Variants in GALNTL6 observed in about 807,000 individuals in gnomAD.
GALNTL6 encodes polypeptide N-acetylgalactosaminyltransferase-like 6.
In GALNTL6, 46 loss-of-function variants were observed where a neutral mutation model predicts 73.7. That is an observed-to-expected ratio of 0.62 (90% CI 0.49 to 0.80). GALNTL6 has a LOEUF of 0.80. Among genes scored for constraint, GALNTL6 ranks in the 30% least tolerant of loss-of-function variants. GALNTL6 has a pLI of 0.00. For missense variants in GALNTL6, 604 were observed against 755.0 expected, an observed-to-expected ratio of 0.80 and a Z score of 2.34; for synonymous variants, 259 against 263.7, an observed-to-expected ratio of 0.98 and a Z score of 0.17.
chr4:172,698,323 CT>C (rs1234688085), intron 5 of GALNTL6, among the ~76,000 whole-genome samples: 3 of 152,148 alleles, frequency 2.0e-5, no homozygotes, highest in African/African-American at 7.2e-5. Flanking sequence ...TAGAGACTTA[CT>C]GCTTACAGTC....
At chr4:171,883,471 A>G (rs1455234517) in intron 2 of GALNTL6, among the ~76,000 whole-genome samples, 1 of 152,004 alleles carries the variant, frequency 6.6e-6, no homozygotes, top group Non-Finnish European at 1.5e-5. Context: ...TGCTTCATTT[A>G]TTTGTGCGAT....
intron 6 of GALNTL6, among the ~76,000 whole-genome samples, chr4:172,812,546 T>C (rs10003796): frequency 0.25 from 38,000 of 151,870 alleles, 5,659 homozygotes; most frequent in African/African-American, 0.42. Flanking sequence ...CCAGTGCCCT[T>C]TGCCAGCTGT....
Position 172,834,876 on chromosome 4 carries a change from G to A in GALNTL6, c.923+21153G>A, listed in dbSNP as rs550835566. On this transcript the variant is annotated intron_variant, in intron 7 of 12. Coordinates refer to ENST00000506823, the MANE Select transcript of GALNTL6 (RefSeq NM_001034845.3). ...TCTATCTTCTTCATGGCTTGTTCAA[G>A]AACCATGAGTGAGAACTGTGTTGAG... Among the ~76,000 whole-genome samples, 7 of 152,328 alleles carry A rather than the reference G, an allele frequency of 4.6e-5. No homozygotes were observed. The South Asian group carries it at 1.4e-3, about 32-fold the overall frequency.
At chr4:173,013,138 G>C (rs567828788) in intron 11 of GALNTL6, among the ~76,000 whole-genome samples, 1 of 152,278 alleles carries the variant, frequency 6.6e-6, no homozygotes, top group African/African-American at 2.4e-5. Flanking sequence ...GCTCCATGGG[G>C]ATGTTACTGG....
At chr4:172,956,644 T>C (rs146466405) in intron 10 of GALNTL6, among the ~76,000 whole-genome samples, 3,342 of 152,162 alleles carry the variant, frequency 0.022, 211 homozygotes, top group Admixed American at 0.14. Flanking sequence ...GTTGGTCTGG[T>C]GTCTGGAATG....
In GALNTL6 at chr4:173,010,237, C is replaced by T. The variant is rs558161841; in HGVS notation, c.1488+943C>T. The stretch of plus-strand genomic sequence containing the variant: ...GGTTCAATTGTTTTGATTTTTAGAT[C>T]CCACAAATAAGTGAAAATATGCAAT... On this transcript the variant is annotated intron_variant, in intron 11 of 12. Transcript: ENST00000506823. 9.5e-4 allele frequency among the ~76,000 whole-genome samples: 145 copies of T among 152,194 alleles called. 6 individuals carry two copies. The South Asian group carries it at 0.029, about 30-fold the overall frequency.
intron 7 of GALNTL6, among the ~76,000 whole-genome samples, chr4:172,871,590 G>GA (rs1553997694): frequency 8.0e-6 from 1 of 125,286 alleles, no homozygotes; most frequent in East Asian, 2.8e-4. Flanking sequence ...TCTGACTCTG[G>GA]GGGGGGTGTG....
At chr4:172,453,729 T>C (rs1013566462) in intron 5 of GALNTL6, among the ~76,000 whole-genome samples, 1 of 152,236 alleles carries the variant, frequency 6.6e-6, no homozygotes, top group African/African-American at 2.4e-5. Context: ...GTTAAGGACT[T>C]AATAAAATGT....
chr4:172,445,066 G>T (rs1341726592), intron 5 of GALNTL6, among the ~76,000 whole-genome samples: 1 of 152,114 alleles, frequency 6.6e-6, no homozygotes. Context: ...TTAGCAAGAG[G>T]CAAGCCAAAA....
intron 5 of GALNTL6, among the ~76,000 whole-genome samples, chr4:172,375,473 C>A (rs1278864341): frequency 1.3e-5 from 2 of 152,066 alleles, no homozygotes; most frequent in African/African-American, 4.8e-5. Context: ...ATCTGAAAGA[C>A]AAAAATGCCC....
chr4:171,865,108 T>C (rs113044971), intron 2 of GALNTL6, among the ~76,000 whole-genome samples: 9 of 151,846 alleles, frequency 5.9e-5, no homozygotes, highest in Non-Finnish European at 1.0e-4. Context: ...ATCACGCCAT[T>C]GCACTCCAGC....
At chr4:172,206,776 TTTTTTGTTTTGTTTTG>T (rs1560969120) in intron 2 of GALNTL6, among the ~76,000 whole-genome samples, 10 of 95,668 alleles carry the variant, frequency 1.0e-4, no homozygotes, top group Non-Finnish European at 2.2e-4. Flanking sequence ...ATGAAACGTG[TTTTTTGTTTTGTTTTG>T]TTTTGTTTTT....
At chr4:172,431,268 T>G (rs560007503) in intron 5 of GALNTL6, among the ~76,000 whole-genome samples, 1 of 152,306 alleles carries the variant, frequency 6.6e-6, no homozygotes, top group South Asian at 2.1e-4. Context: ...TTACGATGCA[T>G]TCCAATCAGA....
At chr4:171,918,542 T>C (rs1737692690) in intron 2 of GALNTL6, among the ~76,000 whole-genome samples, 1 of 152,066 alleles carries the variant, frequency 6.6e-6, no homozygotes, top group African/African-American at 2.4e-5. Flanking sequence ...ACGGTGTTGG[T>C]AGGAATGCAA....
intron 8 of GALNTL6, among the ~76,000 whole-genome samples, chr4:172,907,833 G>A (rs1274673381): frequency 6.6e-6 from 1 of 152,186 alleles, no homozygotes; most frequent in African/African-American, 2.4e-5. Flanking sequence ...TCTTAGGATA[G>A]ATCTTAGCAC....
At chr4:172,550,033 T>C (rs779694647) in intron 5 of GALNTL6, among the ~76,000 whole-genome samples, 3 of 152,208 alleles carry the variant, frequency 2.0e-5, no homozygotes, top group Non-Finnish European at 4.4e-5. Context: ...ATAATTAACA[T>C]TGAAGCAGTG....
chr4:172,791,130 A>G (rs1336062934), intron 5 of GALNTL6, among the ~76,000 whole-genome samples: 1 of 152,134 alleles, frequency 6.6e-6, no homozygotes, highest in Non-Finnish European at 1.5e-5. Flanking sequence ...ATGACAGCAA[A>G]AGGTAAAGGA....
At chr4:172,184,042 C>T (rs757728739) in intron 2 of GALNTL6, among the ~76,000 whole-genome samples, 11 of 152,130 alleles carry the variant, frequency 7.2e-5, no homozygotes, top group African/African-American at 1.2e-4. Context: ...CCACCCACCT[C>T]GGCCTCCCAA....
At chr4:172,190,941 T>G (rs1735561376) in intron 2 of GALNTL6, among the ~76,000 whole-genome samples, 1 of 152,216 alleles carries the variant, frequency 6.6e-6, no homozygotes, top group Admixed American at 6.5e-5. Flanking sequence ...GGAACACATT[T>G]GTCTTCCTCG....
Sources: gnomAD v4.1 joint callset for allele counts (sites outside exome capture counted in the v4.1 genomes callset) on GRCh38, gnomAD v4.1.1 for gene constraint, MANE v1.5 for transcripts, NCBI Gene and HGNC (gene_info 2026-07-23, HGNC 2026-07-21) for gene names.